The following RANBP2 variants were observed in gnomAD, a reference collection of about 807,000 sequenced individuals.
RANBP2 encodes RAN binding protein 2.
A neutral mutation model predicts 303.6 loss-of-function variants in RANBP2; 57 were observed. The observed-to-expected ratio is 0.19, with a 90% CI of 0.15 to 0.23. The LOEUF (loss-of-function observed/expected upper bound fraction) is 0.23, where lower values mean the gene tolerates loss of function less well. RANBP2 is among the 10% of genes least tolerant of loss of function. RANBP2 has a pLI of 1.00. For missense variants in RANBP2, 3,138 were observed against 3,780.8 expected (o/e 0.83, Z 4.46); for synonymous variants, 1,167 against 1,301.5 (o/e 0.90, Z 2.23).
At chr2:108,795,399 G>GC in the RANBP2 span, among the ~76,000 whole-genome samples, 1 of 151,978 alleles carries the variant, frequency 6.6e-6, no homozygotes, top group African/African-American at 2.4e-5. Context: ...CAGGTGATCT[G>GC]CCCCCACTTG....
chr2:109,374,253 T>C, the RANBP2 span, among the ~76,000 whole-genome samples: 1 of 152,140 alleles, frequency 6.6e-6, no homozygotes, highest in Non-Finnish European at 1.5e-5. Context: ...CCACTGCCCC[T>C]CTTGCCCCTT....
chr2:109,505,525 T>A, the RANBP2 span, among the ~76,000 whole-genome samples: 9,203 of 151,926 alleles, frequency 0.061, 376 homozygotes, highest in African/African-American at 0.12. Flanking sequence ...TAATTTTTTT[T>A]AAAAAAGTGA....
At chr2:109,243,546 C>T in the RANBP2 span, among the ~76,000 whole-genome samples, 3 of 152,170 alleles carry the variant, frequency 2.0e-5, no homozygotes, top group Non-Finnish European at 2.9e-5. Context: ...AGGTAATTAA[C>T]ACCATGGGAA....
the RANBP2 span, among the ~76,000 whole-genome samples, chr2:109,663,980 C>T: frequency 6.6e-6 from 1 of 152,200 alleles, no homozygotes; most frequent in South Asian, 2.1e-4. Flanking sequence ...GGACTCAGGG[C>T]TGGAGGCACA....
chr2:109,480,134 A>G, the RANBP2 span, among the ~76,000 whole-genome samples: 1 of 152,224 alleles, frequency 6.6e-6, no homozygotes, highest in South Asian at 2.1e-4. Flanking sequence ...TGAGAAAGCA[A>G]CACTTGCATA....
chr2:109,439,626 C>T, the RANBP2 span, among the ~76,000 whole-genome samples: 8 of 152,124 alleles, frequency 5.3e-5, no homozygotes, highest in African/African-American at 1.4e-4. Flanking sequence ...TAATGTAACT[C>T]CTTTCCCAAA....
the RANBP2 span, among the ~76,000 whole-genome samples, chr2:108,818,326 G>C: frequency 6.6e-6 from 1 of 151,848 alleles, no homozygotes; most frequent in Non-Finnish European, 1.5e-5. Flanking sequence ...AATGGAATCG[G>C]GATCATGTAA....
chr2:108,773,333 G>C (rs1333647654), intron 23 of RANBP2, among the ~76,000 whole-genome samples: 2 of 151,894 alleles, frequency 1.3e-5, no homozygotes, highest in Non-Finnish European at 2.9e-5. Context: ...GGGCCAGGCT[G>C]GTCTCGAACT....
At chr2:108,730,956 A>T (rs1258376178) in intron 3 of RANBP2, 71 bp downstream of exon 3, 2 of 1,501,588 alleles carry the variant, frequency 1.3e-6, no homozygotes, top group Non-Finnish European at 1.8e-6. Flanking sequence ...TTATATAAGT[A>T]AGTCAAATAT....
chr2:109,534,801 TG>T, the RANBP2 span, among the ~76,000 whole-genome samples: 43 of 126,592 alleles, frequency 3.4e-4, no homozygotes, highest in Middle Eastern at 4.2e-3. Context: ...GAGTGAAAGT[TG>T]TTTTGTTTTG....
At chr2:109,425,637 A>G in the RANBP2 span, among the ~76,000 whole-genome samples, 1 of 152,176 alleles carries the variant, frequency 6.6e-6, no homozygotes, top group Non-Finnish European at 1.5e-5. Context: ...GCATGATAGC[A>G]CACGTGTTTA....
At chr2:109,436,798 A>G in the RANBP2 span, 3 of 1,488,960 alleles carry the variant, frequency 2.0e-6, no homozygotes, top group Non-Finnish European at 9.0e-7. Context: ...TCATCTCTTA[A>G]AGCCAGCAGG....
chr2:109,205,261 CT>C, the RANBP2 span, among the ~76,000 whole-genome samples: 7,785 of 135,866 alleles, frequency 0.057, 375 homozygotes, highest in African/African-American at 0.14. Context: ...ACTTATGTGA[CT>C]TTTTTTTTTT....
chr2:108,823,934 G>A, the RANBP2 span, among the ~76,000 whole-genome samples: 4 of 151,534 alleles, frequency 2.6e-5, no homozygotes, highest in South Asian at 2.1e-4. Context: ...CCAAGATCGC[G>A]CCACTGCACT....
the RANBP2 span, among the ~76,000 whole-genome samples, chr2:109,610,998 A>G: frequency 6.6e-6 from 1 of 152,192 alleles, no homozygotes; most frequent in South Asian, 2.1e-4. Flanking sequence ...ACTGCGTGCT[A>G]ACGGAGAACC....
chr2:109,017,418 A>AGCG, the RANBP2 span, among the ~76,000 whole-genome samples: 5 of 152,314 alleles, frequency 3.3e-5, no homozygotes, highest in East Asian at 9.7e-4. Context: ...GAGAGCGAGC[A>AGCG]AGTGGTGGAA....
At chr2:108,822,850 C>T in the RANBP2 span, among the ~76,000 whole-genome samples, 2 of 152,076 alleles carry the variant, frequency 1.3e-5, no homozygotes, top group Non-Finnish European at 2.9e-5. Context: ...AAATCAAAAT[C>T]GACAGCCTGG....
At chr2:109,585,187 G>A in the RANBP2 span, 1 of 1,610,908 alleles carries the variant, frequency 6.2e-7, no homozygotes, top group Non-Finnish European at 8.5e-7. Context: ...AATTTCAATT[G>A]AACATTACTT....
intron 1 of RANBP2, among the ~76,000 whole-genome samples, chr2:108,727,965 C>T (rs1330183478): frequency 4.6e-5 from 7 of 152,144 alleles, no homozygotes; most frequent in East Asian, 1.9e-4. Context: ...CTGTGGACCT[C>T]GTTTATTACT....
Sources: gnomAD v4.1 joint callset for allele counts (sites outside exome capture counted in the v4.1 genomes callset) on GRCh38, gnomAD v4.1.1 for gene constraint, MANE v1.5 for transcripts, NCBI Gene and HGNC (gene_info 2026-07-23, HGNC 2026-07-21) for gene names.